Variants in AKR1C3 observed in about 807,000 individuals in gnomAD.
AKR1C3 encodes the protein aldo-keto reductase family 1 member C3, also known as 3-alpha hydroxysteroid dehydrogenase, type II.
In AKR1C3, 48 loss-of-function variants were observed where a neutral mutation model predicts 43.6. The ratio of observed to expected loss-of-function variants is 1.10; its 90% CI spans 0.87 to 1.40. AKR1C3 has a LOEUF of 1.40. AKR1C3 is among the 40% of genes most tolerant of loss of function. The pLI, the probability that AKR1C3 is intolerant of heterozygous loss-of-function variation, is 0.00. For missense variants in AKR1C3, 482 were observed against 391.2 expected, an observed-to-expected ratio of 1.23 and a Z score of -1.96; for synonymous variants, 162 against 139.6, an observed-to-expected ratio of 1.16 and a Z score of -1.13.
In AKR1C3 at chr10:5,097,724, T is replaced by C. The variant is rs80144615; in HGVS notation, c.369+174T>C. ...TTTCGAGTAAATTTTGAATCCTACT[T>C]CTCTAATGCACACCTACAAGAGAAG... On this transcript the variant is annotated intron_variant, in intron 3 of 8. Transcript: ENST00000380554. The C allele has an allele frequency of 1.2e-3, 1,644 of 1,429,208 alleles. 9 individuals carry two copies. The African/African-American group carries it at 0.021, about 19-fold the overall frequency. The allele number at this position is 1,429,208 out of a possible 1,614,324, so 88.5% of individuals were successfully genotyped here.
At chr10:5,054,880 G>A (rs1254344360) in intron 1 of AKR1C3, among the ~76,000 whole-genome samples, 7 of 152,146 alleles carry the variant, frequency 4.6e-5, no homozygotes, top group South Asian at 2.1e-4. Flanking sequence ...CCATTTTGAT[G>A]GATTTGACAG....
At chr10:5,073,589 C>T (rs548014604) in intron 1 of AKR1C3, among the ~76,000 whole-genome samples, 2 of 152,252 alleles carry the variant, frequency 1.3e-5, no homozygotes, top group East Asian at 3.9e-4. Context: ...CAGCTCCAGC[C>T]CAGATCACAG....
intron 1 of AKR1C3, among the ~76,000 whole-genome samples, chr10:5,084,991 G>T (rs1261732261): frequency 6.6e-6 from 1 of 152,138 alleles, no homozygotes; most frequent in Non-Finnish European, 1.5e-5. Context: ...AGACAATGGG[G>T]TTTTCTAGAT....
At chr10:5,097,038 T>A (rs1470957209) in intron 2 of AKR1C3, among the ~76,000 whole-genome samples, 1 of 152,170 alleles carries the variant, frequency 6.6e-6, no homozygotes, top group Non-Finnish European at 1.5e-5. Context: ...CAAAACTTGT[T>A]TTACCCCCCT....
In AKR1C3 at chr10:5,107,442, T is replaced by A; in HGVS notation, c.930-19T>A. The A allele has an allele frequency of 6.7e-7, 1 of 1,501,686 alleles. No homozygotes were observed. The highest frequency in any genetic ancestry group is 1.1e-5 in the South Asian group (1 of 88,652). 93.0% of individuals were successfully genotyped at this position (1,501,686 alleles called of 1,614,324 possible). On this transcript the variant is annotated intron_variant, in intron 8 of 8. Coordinates refer to ENST00000380554, the MANE Select transcript of AKR1C3 (RefSeq NM_003739.6). ...TAATGGAGTCATTGCATTTATATTA[T>A]ACATTATTCTCTTTTCAGTTTTGCT...
intron 1 of AKR1C3, among the ~76,000 whole-genome samples, chr10:5,059,249 G>A (rs1307997704): frequency 6.6e-6 from 1 of 152,112 alleles, no homozygotes; most frequent in African/African-American, 2.4e-5. Flanking sequence ...CATTCTTATG[G>A]GAGAAACTAG....
chr10:5,066,566 A>G (rs1554780817), intron 1 of AKR1C3, among the ~76,000 whole-genome samples: 2 of 152,198 alleles, frequency 1.3e-5, no homozygotes, highest in African/African-American at 4.8e-5. Context: ...ATAGCGCAGC[A>G]ACGAGACTAT....
intron 1 of AKR1C3, among the ~76,000 whole-genome samples, chr10:5,074,095 G>A (rs1034162969): frequency 3.3e-5 from 5 of 151,696 alleles, no homozygotes; most frequent in Non-Finnish European, 7.4e-5. Context: ...ATCTATCTAT[G>A]ACCTGGAAGC....
At chr10:5,106,961 G>A (rs1839518118) in intron 8 of AKR1C3, among the ~76,000 whole-genome samples, 1 of 150,160 alleles carries the variant, frequency 6.7e-6, no homozygotes, top group African/African-American at 2.4e-5. Flanking sequence ...TAGCGAGCAT[G>A]AGTAATTCTT....
chr10:5,085,243 A>T (rs1292350669), intron 1 of AKR1C3, among the ~76,000 whole-genome samples: 1 of 152,084 alleles, frequency 6.6e-6, no homozygotes, highest in Non-Finnish European at 1.5e-5. Context: ...ATTTTGAGAT[A>T]TGTGCCATCA....
Position 5,082,524 on chromosome 10 carries a change from G to A in AKR1C3, c.85-13886G>A, listed in dbSNP as rs193041375. 9.1e-4 allele frequency among the ~76,000 whole-genome samples: 139 copies of A among 152,056 alleles called. 1 individual carries two copies. Among genetic ancestry groups the A allele is most frequent in the Non-Finnish European group, 1.5e-3 (102 of 67,976 alleles). On this transcript the variant is annotated intron_variant, in intron 1 of 8. Transcript: ENST00000439082. ...TTTATGTTGCATTTTATCAAAACTC[G>A]GCATCTGTTGGGATGATCATTTTTT...
chr10:5,094,714 G>A (rs1376768099), intron 1 of AKR1C3, among the ~76,000 whole-genome samples, 186 bp downstream of exon 1: 2 of 152,064 alleles, frequency 1.3e-5, no homozygotes, highest in Non-Finnish European at 2.9e-5. Context: ...CTATGGTCAC[G>A]TACTGCTTAT....
chr10:5,097,742 A>G, intron 3 of AKR1C3, 192 bp downstream of exon 3: 3 of 1,376,692 alleles, frequency 2.2e-6, no homozygotes, highest in Non-Finnish European at 2.8e-6. Context: ...GCACACCTAC[A>G]AGAGAAGAGA....
upstream of AKR1C3, chr10:5,093,426 G>C (rs966651398): frequency 1.3e-5 from 2 of 152,014 alleles, no homozygotes; most frequent in Non-Finnish European, 2.9e-5. Flanking sequence ...AACGAAATCA[G>C]GGCATTGCAA....
chr10:5,084,337 C>T (rs1284245497), intron 1 of AKR1C3, among the ~76,000 whole-genome samples: 2 of 151,508 alleles, frequency 1.3e-5, no homozygotes, highest in Non-Finnish European at 2.9e-5. Context: ...ATAGGGAATC[C>T]TTTCCCCATT....
chr10:5,105,379 A>G (rs1251286231), intron 7 of AKR1C3: 1 of 376,764 alleles, frequency 2.7e-6, no homozygotes, highest in Non-Finnish European at 4.8e-6. Context: ...CTTTGTCTGC[A>G]GAGTTGCACA....
chr10:5,064,388 A>G (rs868994800), intron 1 of AKR1C3, among the ~76,000 whole-genome samples: 2 of 152,200 alleles, frequency 1.3e-5, no homozygotes, highest in Non-Finnish European at 2.9e-5. Flanking sequence ...AACTCAAAAT[A>G]TATTAAAACC....
intron 1 of AKR1C3, among the ~76,000 whole-genome samples, chr10:5,065,623 T>C (rs1023407426): frequency 4.3e-4 from 65 of 152,222 alleles, no homozygotes; most frequent in African/African-American, 1.6e-3. Context: ...GGCATGAGCA[T>C]AGGGCCCCAT....
chr10:5,083,266 C>T (rs1428693089), intron 1 of AKR1C3, among the ~76,000 whole-genome samples: 1 of 152,058 alleles, frequency 6.6e-6, no homozygotes, highest in East Asian at 1.9e-4. Context: ...TGTGATGTTC[C>T]CCTTCCTGTG....
Sources: gnomAD v4.1 joint callset for allele counts (sites outside exome capture counted in the v4.1 genomes callset) on GRCh38, gnomAD v4.1.1 for gene constraint, MANE v1.5 for transcripts, NCBI Gene and HGNC (gene_info 2026-07-23, HGNC 2026-07-21) for gene names.